SCN8A: variants seen among roughly 807,000 people sequenced by gnomAD.
The protein encoded by SCN8A is sodium voltage-gated channel alpha subunit 8.
Under a neutral mutation model 184.1 loss-of-function variants are expected in SCN8A, and 30 were observed. That is an observed-to-expected ratio of 0.16 (90% confidence interval 0.12 to 0.22). The LOEUF is 0.22. Among genes scored for constraint, SCN8A ranks in the 10% least tolerant of loss-of-function variants. SCN8A has a pLI of 1.00. For synonymous variants in SCN8A, 852 were observed against 907.0 expected (o/e 0.94, Z 1.09); for missense variants, 1,057 against 2,498.9 (o/e 0.42, Z 12.30).
intron 20 of SCN8A, among the ~76,000 whole-genome samples, chr12:51,778,731 G>A (rs145635913): frequency 1.3e-5 from 2 of 152,188 alleles, no homozygotes; most frequent in Non-Finnish European, 2.9e-5. Flanking sequence ...TAAAGCCCTA[G>A]GATAGAGATA....
Position 51,684,172 on chromosome 12 carries a change from A to C in SCN8A, c.277-2A>C. 2 of 1,418,544 alleles carry C rather than the reference A, an allele frequency of 1.4e-6. No individual in the cohort carries two copies. Among genetic ancestry groups the C allele is most frequent in the Non-Finnish European group, 2.0e-6 (2 of 1,001,786 alleles). The allele number at this position is 1,418,544 out of a possible 1,614,324, so 87.9% of individuals were successfully genotyped here. On this transcript the variant is annotated splice_acceptor_variant, in intron 2 of 26. Coordinates refer to ENST00000627620, the MANE Select transcript of SCN8A (RefSeq NM_001330260.2). LOFTEE classifies it high-confidence loss of function. ...AATTTCTCTCTCTTTCTTTCTCCACAGACCTTTGTAGTATTAAACAGAGGG... is the reference window on the plus strand; with the variant it reads ...AATTTCTCTCTCTTTCTTTCTCCACCGACCTTTGTAGTATTAAACAGAGGG...
At chr12:51,746,423 C>T (rs1366887002) in intron 13 of SCN8A, among the ~76,000 whole-genome samples, 11 of 152,126 alleles carry the variant, frequency 7.2e-5, no homozygotes, top group African/African-American at 2.7e-4. Context: ...TGGTCTCTAC[C>T]CCAAAACATA....
intron 1 of SCN8A, among the ~76,000 whole-genome samples, chr12:51,599,492 G>A (rs1012460661): frequency 3.3e-5 from 5 of 152,210 alleles, no homozygotes; most frequent in African/African-American, 1.2e-4. Flanking sequence ...TTTTGGGGGA[G>A]CAGTGAGAAT....
In SCN8A at chr12:51,789,048, C is replaced by T. The variant is rs79849129; in HGVS notation, c.4282-233C>T. Reference sequence around the variant, plus strand: ...AGTATGGCTCCTAGCAGACAGCCCTCCCTCCCTGTGGCCTCATGATTTGCA... The same window carrying T: ...AGTATGGCTCCTAGCAGACAGCCCTTCCTCCCTGTGGCCTCATGATTTGCA... On this transcript the variant is annotated intron_variant, in intron 23 of 26. Transcript: ENST00000627620. Among the ~76,000 whole-genome samples the T allele has an allele frequency of 8.0e-3, 1,211 of 152,270 alleles. 25 individuals carry two copies. The highest frequency in any genetic ancestry group is 0.028 in the African/African-American group (1,157 of 41,552).
At chr12:51,615,449 G>T (rs574463142) in intron 1 of SCN8A, among the ~76,000 whole-genome samples, 10 of 152,234 alleles carry the variant, frequency 6.6e-5, no homozygotes, top group African/African-American at 2.4e-4. Context: ...AGCTTCTCTG[G>T]AGGCTGGGGT....
chr12:51,611,277 T>C (rs1365227306), intron 1 of SCN8A, among the ~76,000 whole-genome samples: 2 of 151,680 alleles, frequency 1.3e-5, no homozygotes, highest in East Asian at 3.9e-4. Context: ...TTCTCCTGCC[T>C]CAGCCTCTAG....
At chr12:51,752,428 ACACACAC>A (rs1022595950) in intron 14 of SCN8A, among the ~76,000 whole-genome samples, 34 of 151,818 alleles carry the variant, frequency 2.2e-4, no homozygotes, top group Admixed American at 1.5e-3. Flanking sequence ...TCACACACAC[ACACACAC>A]CACACACCAC....
intron 1 of SCN8A, among the ~76,000 whole-genome samples, chr12:51,623,386 C>G (rs1338281747): frequency 2.6e-5 from 4 of 152,200 alleles, no homozygotes; most frequent in African/African-American, 9.7e-5. Flanking sequence ...TCTAGCCTTT[C>G]CCCCTTGCAG....
chr12:51,730,757 C>A (rs901260744), intron 12 of SCN8A, among the ~76,000 whole-genome samples: 1 of 152,140 alleles, frequency 6.6e-6, no homozygotes, highest in African/African-American at 2.4e-5. Flanking sequence ...AAATTATTTT[C>A]ACTACAGTCA....
At chr12:51,616,622 A>C (rs1939843908) in intron 1 of SCN8A, among the ~76,000 whole-genome samples, 1 of 152,046 alleles carries the variant, frequency 6.6e-6, no homozygotes, top group Non-Finnish European at 1.5e-5. Context: ...ACAAACAAAC[A>C]AAAAGTGTTT....
At chr12:51,602,696 G>T (rs1939494083) in intron 1 of SCN8A, among the ~76,000 whole-genome samples, 1 of 152,128 alleles carries the variant, frequency 6.6e-6, no homozygotes, top group Admixed American at 6.5e-5. Flanking sequence ...GGACAAGAGG[G>T]TATGTGGTGT....
intron 12 of SCN8A, among the ~76,000 whole-genome samples, chr12:51,727,425 A>T (rs1942172840): frequency 6.6e-6 from 1 of 152,088 alleles, no homozygotes; most frequent in African/African-American, 2.4e-5. Flanking sequence ...AAACCAAAAA[A>T]CACTGAAAAG....
intron 1 of SCN8A, among the ~76,000 whole-genome samples, chr12:51,617,548 A>G (rs201337473): frequency 6.6e-6 from 1 of 152,176 alleles, no homozygotes; most frequent in Non-Finnish European, 1.5e-5. Context: ...CATACTTAGA[A>G]TAGCTGCATT....
intron 26 of SCN8A, among the ~76,000 whole-genome samples, chr12:51,803,123 T>C (rs1303556166): frequency 6.6e-6 from 1 of 152,016 alleles, no homozygotes; most frequent in Non-Finnish European, 1.5e-5. Flanking sequence ...TCAGTCTGAG[T>C]CCCAAATCCT....
At chr12:51,757,327 T>A (rs959511916) in intron 14 of SCN8A, among the ~76,000 whole-genome samples, 1 of 151,748 alleles carries the variant, frequency 6.6e-6, no homozygotes, top group East Asian at 1.9e-4. Context: ...TTTTTTCATG[T>A]CTCCATTGCA....
At chr12:51,713,334 T>A in intron 11 of SCN8A, 1 of 1,062,956 alleles carries the variant, frequency 9.4e-7, no homozygotes. Context: ...CACACATTGC[T>A]GCATCCACCT....
chr12:51,718,098 T>C (rs943579001), intron 11 of SCN8A, among the ~76,000 whole-genome samples: 2 of 152,088 alleles, frequency 1.3e-5, no homozygotes, highest in African/African-American at 4.8e-5. Flanking sequence ...GGATCTAAAG[T>C]ATAGAACCAG....
At position 51,606,346 on chromosome 12, in the gene SCN8A, G is replaced by A. The variant is rs1939591755; in HGVS notation, c.-55+14987G>A. ...CCCAGCACCATTTGTTGAAAAGGGT[G>A]TCTATTCCCCGCTTACGTTTTTGTT... On this transcript the variant is annotated intron_variant, in intron 1 of 26. Transcript: ENST00000627620. 2.0e-5 allele frequency among the ~76,000 whole-genome samples: 3 copies of A among 152,156 alleles called. No homozygotes were observed. In the South Asian group the frequency reaches 6.2e-4, roughly 32 times the overall value.
rs540584672 is a variant in SCN8A, at chr12:51,785,304, C to T, written c.3943-1238C>T. Among the ~76,000 whole-genome samples, 105 of 152,278 alleles carry T rather than the reference C, an allele frequency of 6.9e-4. No individual in the cohort carries two copies. The Middle Eastern group carries it at 0.014, about 20-fold the overall frequency. ...TCAACTTAATAAACAAAGTAATAAA[C>T]ACTTTAATGACAGAGCTGTCAGATC... On this transcript the variant is annotated intron_variant, in intron 21 of 26. Transcript: ENST00000627620.
Sources: allele counts gnomAD v4.1 joint callset (sites outside exome capture counted in the v4.1 genomes callset), GRCh38; gene constraint gnomAD v4.1.1; transcripts MANE v1.5; gene names NCBI Gene and HGNC (gene_info 2026-07-23, HGNC 2026-07-21).